The following HEPACAM variants were observed in gnomAD, a reference collection of about 807,000 sequenced individuals.
The protein encoded by HEPACAM is hepatocyte cell adhesion molecule.
In HEPACAM, 18 loss-of-function variants were observed where a neutral mutation model predicts 38.3. That is an observed-to-expected ratio of 0.47 (90% CI 0.33 to 0.70). The LOEUF (loss-of-function observed/expected upper bound fraction) is 0.70. Among genes scored for constraint, HEPACAM ranks in the 30% least tolerant of loss-of-function variants. HEPACAM has a pLI of 0.03. For missense variants in HEPACAM, 466 were observed against 563.0 expected, an observed-to-expected ratio of 0.83 and a Z score of 1.74; for synonymous variants, 216 against 243.1, an observed-to-expected ratio of 0.89 and a Z score of 1.04.
chr11:124,921,025 C>G lies in HEPACAM; in HGVS notation c.*113G>C. 1 of 1,407,316 alleles carries G rather than the reference C, an allele frequency of 7.1e-7. No homozygotes were observed. Among genetic ancestry groups the G allele is most frequent in the Non-Finnish European group, 9.2e-7 (1 of 1,084,754 alleles). 87.2% of individuals were successfully genotyped at this position (1,407,316 alleles called of 1,614,324 possible). Reference sequence around the variant, plus strand: ...GTTCACACCCGAGACACCAGCGCCCCCCCGGGACCTCCCCTCGTCCCCAGC... The same window carrying G: ...GTTCACACCCGAGACACCAGCGCCCGCCCGGGACCTCCCCTCGTCCCCAGC... On this transcript the variant is annotated 3_prime_UTR_variant, in exon 7 of 7. Coordinates refer to ENST00000298251, the MANE Select transcript of HEPACAM (RefSeq NM_152722.5). The surrounding 1 kb of genome is among the most constrained non-coding windows in gnomAD (Gnocchi z 4.6).
At position 124,921,656 on chromosome 11, in the gene HEPACAM, AT is replaced by A. The variant is rs1283601853; in HGVS notation, c.949-217del. 6.6e-6 allele frequency among the ~76,000 whole-genome samples: 1 copy of A among 152,256 alleles called. No individual in the cohort carries two copies. Among genetic ancestry groups the A allele is most frequent in the East Asian group, 1.9e-4 (1 of 5,170 alleles). On this transcript the variant is annotated intron_variant, in intron 6 of 6. Coordinates refer to ENST00000298251, the MANE Select transcript of HEPACAM (RefSeq NM_152722.5). This position sits in a 1 kb window ranked among gnomAD's most constrained non-coding sequence, Gnocchi z 4.6. The stretch of plus-strand genomic sequence containing the variant: ...TAATAGGTGTTAAGTAAATGTTGAA[AT>A]GCGATGATTTGAGTGCTTTTCCCCT...
In HEPACAM at chr11:124,924,748, G is replaced by A; in HGVS notation, c.407C>T (p.Thr136Ile). ...TTTACCATCTACAGTAAGGTTGATGGTCTTCTCCCCAGTGAAGGTGTCGTC... is the reference window on the plus strand; with the variant it reads ...TTTACCATCTACAGTAAGGTTGATGATCTTCTCCCCAGTGAAGGTGTCGTC... ...ITDDTFTGEK[T>I]INLTVDVPIS... Residue 136 changes from threonine (T) to isoleucine (I), a missense_variant, in exon 2 of 7, where the codon ACC (threonine) becomes ATC (isoleucine). Coordinates refer to ENST00000298251, the MANE Select transcript of HEPACAM (RefSeq NM_152722.5). This position sits in a 1 kb window ranked among gnomAD's most constrained non-coding sequence, Gnocchi z 4.4. 1.2e-6 allele frequency: 2 copies of A among 1,614,048 alleles called. No individual in the cohort carries two copies. The highest frequency in any genetic ancestry group is 1.7e-5 in the Admixed American group (1 of 60,026).
At position 124,919,665 on chromosome 11, in the gene HEPACAM, A is replaced by G; in HGVS notation, c.*1473T>C. 2.0e-6 allele frequency: 3 copies of G among 1,465,328 alleles called. No individual in the cohort carries two copies. Among genetic ancestry groups the G allele is most frequent in the Admixed American group, 1.9e-5 (1 of 54,048 alleles). 90.8% of individuals were successfully genotyped at this position (1,465,328 alleles called of 1,614,324 possible). Reference sequence around the variant, plus strand: ...CGAGGGACAGGGAGCTGAGACAGGCATGCTGTGGGGTTCAGGGCAGAGGGG... The same window carrying G: ...CGAGGGACAGGGAGCTGAGACAGGCGTGCTGTGGGGTTCAGGGCAGAGGGG... On this transcript the variant is annotated 3_prime_UTR_variant, in exon 7 of 7. Coordinates refer to ENST00000298251, the MANE Select transcript of HEPACAM (RefSeq NM_152722.5).
intron 1 of HEPACAM, among the ~76,000 whole-genome samples, chr11:124,935,372 C>T (rs910328564): frequency 2.0e-5 from 3 of 152,010 alleles, no homozygotes; most frequent in African/African-American, 4.8e-5. Flanking sequence ...AATAAGATCA[C>T]TTCTCAAAGG....
At position 124,919,966 on chromosome 11, in the gene HEPACAM, G is replaced by T. The variant is rs371693438; in HGVS notation, c.*1172C>A. On this transcript the variant is annotated 3_prime_UTR_variant, in exon 7 of 7. Transcript: ENST00000298251. ...AACTGTTCAATAGGCGGTGGCATGG[G>T]CATGTCCTGGCTACACAGCGGCCCA... is the stretch of plus-strand genomic sequence containing the variant. 2.5e-6 allele frequency: 4 copies of T among 1,613,602 alleles called. No individual in the cohort carries two copies. The highest frequency in any genetic ancestry group is 3.4e-6 in the Non-Finnish European group (4 of 1,180,022).
At chr11:124,934,146 A>T (rs1947314730) in intron 1 of HEPACAM, among the ~76,000 whole-genome samples, 1 of 152,034 alleles carries the variant, frequency 6.6e-6, no homozygotes, top group East Asian at 1.9e-4. Flanking sequence ...CATGTATGAT[A>T]CTCATTTTTT....
Position 124,923,935 on chromosome 11 carries a change from C to G in HEPACAM, c.503G>C (p.Cys168Ser), listed in dbSNP as rs780267215. The change falls in exon 3 of 7, where the codon TGC becomes TCC. Residue 168 changes from cysteine to serine, a missense_variant. Cys to Ser is a moderately radical substitution (Grantham distance 112). Transcript: ENST00000298251. ...LELSEAFTLN[C>S]SHENGTKPSY... ...GGGCTTGGTGCCATTCTCATGTGAGCAGTTCAAGGTGAAGGCCTCGCTGAG... is the reference window on the plus strand; with the variant it reads ...GGGCTTGGTGCCATTCTCATGTGAGGAGTTCAAGGTGAAGGCCTCGCTGAG... 1 of 1,612,998 alleles carries G rather than the reference C, an allele frequency of 6.2e-7. No individual in the cohort carries two copies. The highest frequency in any genetic ancestry group is 1.7e-5 in the Admixed American group (1 of 60,014).
At chr11:124,923,526 A>G in intron 3 of HEPACAM, 93 bp from the exon 4 acceptor site, 2 of 1,151,588 alleles carry the variant, frequency 1.7e-6, no homozygotes, top group Non-Finnish European at 1.3e-6. Context: ...AGAGAGGGGG[A>G]GCCCCAGGCT....
chr11:124,924,000 C>G lies in HEPACAM; in HGVS notation c.438G>C (p.Ser146=). Reference sequence around the variant, plus strand: ...TTGAAGCCACCAACACCTGTGGCCTCGAAATGGGCACTGAGCCGCAGGAAT... The same window carrying G: ...TTGAAGCCACCAACACCTGTGGCCTGGAAATGGGCACTGAGCCGCAGGAAT... The part of the protein sequence containing the change: ...TINLTVDVPI[S]RPQVLVASTT... Residue 146 remains serine, a synonymous_variant, in exon 3 of 7, where the codon TCG becomes TCC. Coordinates refer to ENST00000298251, the MANE Select transcript of HEPACAM (RefSeq NM_152722.5). The G allele has an allele frequency of 6.2e-7, 1 of 1,609,060 alleles. No individual in the cohort carries two copies. Among genetic ancestry groups the G allele is most frequent in the African/African-American group, 1.3e-5 (1 of 74,998 alleles).
chr11:124,920,395 T>G lies in HEPACAM; in HGVS notation c.*743A>C. The G allele has an allele frequency of 6.5e-7, 1 of 1,548,456 alleles. No individual in the cohort carries two copies. Among genetic ancestry groups the G allele is most frequent in the Non-Finnish European group, 8.7e-7 (1 of 1,146,236 alleles). ...CATGAACAGAGACAGAAAGAGTGCT[T>G]GGCATGGCATGCCTCCGAGGGAGGC... is the stretch of plus-strand genomic sequence containing the variant. On this transcript the variant is annotated 3_prime_UTR_variant, in exon 7 of 7. Coordinates refer to ENST00000298251, the MANE Select transcript of HEPACAM (RefSeq NM_152722.5).
rs551364697 is a variant in HEPACAM, at chr11:124,921,225, C to T, written c.1164G>A (p.Ser388=). 135 of 1,474,404 alleles carry T rather than the reference C, an allele frequency of 9.2e-5. No homozygotes were observed. The East Asian group carries it at 2.1e-3, about 23-fold the overall frequency. The allele number at this position is 1,474,404 out of a possible 1,614,324, so 91.3% of individuals were successfully genotyped here. The change falls in exon 7 of 7, where the codon TCG becomes TCA. Residue 388 remains serine, a synonymous_variant. Transcript: ENST00000298251. This position sits in a 1 kb window ranked among gnomAD's most constrained non-coding sequence, Gnocchi z 4.6. ...PPRAPSSPGR[S]RSASRTLRTA... is the part of the protein sequence containing the mutation. ...TCCGCAGTGTGCGCGAGGCGCTGCG[C>T]GAGCGGCCGGGCGAGCTCGGGGCCC... is the stretch of plus-strand genomic sequence containing the variant.
At position 124,936,012 on chromosome 11, in the gene HEPACAM, G is replaced by A. The variant is rs1399768950; in HGVS notation, c.-6C>T. 3 of 1,613,504 alleles carry A rather than the reference G, an allele frequency of 1.9e-6. No homozygotes were observed. Among genetic ancestry groups the A allele is most frequent in the East Asian group, 2.2e-5 (1 of 44,870 alleles). ...GCTCCCCTTTCTCTCTTCATTTTGG[G>A]TGGCGTTCTCCAGCTCTAGTGCAGA... On this transcript the variant is annotated 5_prime_UTR_variant, in exon 1 of 7. Coordinates refer to ENST00000298251, the MANE Select transcript of HEPACAM (RefSeq NM_152722.5).
rs753352247 is a variant in HEPACAM at position 124,921,240 on chromosome 11, G to C, written c.1149C>G (p.Ser383Arg). 9.6e-6 allele frequency: 14 copies of C among 1,461,060 alleles called. No individual in the cohort carries two copies. Among genetic ancestry groups the C allele is most frequent in the Non-Finnish European group, 1.3e-5 (14 of 1,112,302 alleles). The allele number at this position is 1,461,060 out of a possible 1,614,324, so 90.5% of individuals were successfully genotyped here. ...AGGCGCTGCGCGAGCGGCCGGGCGA[G>C]CTCGGGGCCCTGGGCGGCGACGAGT... ...RTHSSPPRAPSSPGRSRSASR... is the reference protein window; with the variant it reads ...RTHSSPPRAPRSPGRSRSASR... Residue 383 changes from serine to arginine, a missense_variant, in exon 7 of 7, where the codon AGC becomes AGG. Coordinates refer to ENST00000298251, the MANE Select transcript of HEPACAM (RefSeq NM_152722.5). This position sits in a 1 kb window ranked among gnomAD's most constrained non-coding sequence, Gnocchi z 4.6.
rs986222260 is a variant in HEPACAM, at chr11:124,921,244, G to T, written c.1145C>A (p.Pro382Gln). The change falls in exon 7 of 7, where the codon CCG (proline) becomes CAG (glutamine). Residue 382 changes from proline to glutamine, a missense_variant. Transcript: ENST00000298251. The surrounding 1 kb of genome is among the most constrained non-coding windows in gnomAD (Gnocchi z 4.6). ...GRTHSSPPRA[P>Q]SSPGRSRSAS... ...GCTGCGCGAGCGGCCGGGCGAGCTC[G>T]GGGCCCTGGGCGGCGACGAGTGTGT... 29 of 1,456,166 alleles carry T rather than the reference G, an allele frequency of 2.0e-5. No individual in the cohort carries two copies. The highest frequency in any genetic ancestry group is 4.9e-5 in the Admixed American group (2 of 40,516). The allele number at this position is 1,456,166 out of a possible 1,614,324, so 90.2% of individuals were successfully genotyped here. A position where few individuals can be genotyped will look rare whatever the true frequency, so the allele number is the denominator to read the frequency against.
intron 1 of HEPACAM, among the ~76,000 whole-genome samples, chr11:124,927,691 T>A (rs2135403022): frequency 6.6e-6 from 1 of 152,184 alleles, no homozygotes; most frequent in South Asian, 2.1e-4. Flanking sequence ...ATTCTATGAT[T>A]CATTACTTGC....
chr11:124,919,784 G>C lies in HEPACAM; in HGVS notation c.*1354C>G. On this transcript the variant is annotated 3_prime_UTR_variant, in exon 7 of 7. Transcript: ENST00000298251. Reference sequence around the variant, plus strand: ...CTGGGGCCTTGGAATTGCTCCATGGGTTGATGGCGAATCAGAGCTGGAGTT... The same window carrying C: ...CTGGGGCCTTGGAATTGCTCCATGGCTTGATGGCGAATCAGAGCTGGAGTT... The C allele has an allele frequency of 6.2e-7, 1 of 1,614,148 alleles. No homozygotes were observed.
In HEPACAM at chr11:124,920,677, GCAAAAAAA is replaced by G. The variant is rs1947118048; in HGVS notation, c.*453_*460del. The G allele has an allele frequency of 1.3e-3, 138 of 107,774 alleles. No individual in the cohort carries two copies. Among genetic ancestry groups the G allele is most frequent in the Non-Finnish European group, 1.4e-3 (119 of 83,386 alleles). The allele number at this position is 107,774 out of a possible 1,614,324, so 6.7% of individuals were successfully genotyped here. On this transcript the variant is annotated 3_prime_UTR_variant, in exon 7 of 7. Coordinates refer to ENST00000298251, the MANE Select transcript of HEPACAM (RefSeq NM_152722.5). ...AAAGTGGCCTCTCTAATCTGAACTT[GCAAAAAAA>G]AAAAAAAAAAAAAAAAAAAAAAAAG...
In HEPACAM at chr11:124,925,065, G is replaced by A. The variant is rs776914301; in HGVS notation, c.90C>T (p.Pro30=). The A allele has an allele frequency of 1.3e-5, 20 of 1,587,876 alleles. No homozygotes were observed. The highest frequency in any genetic ancestry group is 1.7e-4 in the Middle Eastern group (1 of 5,874). The change falls in exon 2 of 7, where the codon CCC becomes CCT. Residue 30 remains proline (P), a synonymous_variant. Transcript: ENST00000298251. ...FVYLLLIQTD[P]LEGVNITSPV... ...GGCTGGTGATGTTCACCCCCTCCAG[G>A]GGGTCTGTGAACAGAGGCCCATGAG...
chr11:124,920,376 C>T lies in HEPACAM; in HGVS notation c.*762G>A. On this transcript the variant is annotated 3_prime_UTR_variant, in exon 7 of 7. Transcript: ENST00000298251. ...CCCATCCATCTCTTTTATTCATGAA[C>T]AGAGACAGAAAGAGTGCTTGGCATG... is the stretch of plus-strand genomic sequence containing the variant. 6.5e-7 allele frequency: 1 copy of T among 1,543,118 alleles called. No individual in the cohort carries two copies. The highest frequency in any genetic ancestry group is 8.8e-7 in the Non-Finnish European group (1 of 1,142,150).
Sources: allele counts gnomAD v4.1 joint callset (sites outside exome capture counted in the v4.1 genomes callset), GRCh38; gene constraint gnomAD v4.1.1; non-coding constraint Gnocchi (gnomAD v3.1); transcripts MANE v1.5; gene names NCBI Gene and HGNC (gene_info 2026-07-23, HGNC 2026-07-21).